Variants in TTC39B observed in about 807,000 individuals in gnomAD.
TTC39B encodes tetratricopeptide repeat protein 39B.
TTC39B carries 92 observed loss-of-function variants against 96.6 expected under a neutral mutation model. The observed-to-expected ratio is 0.95, with a 90% confidence interval of 0.80 to 1.13. The LOEUF is 1.13. Among genes scored for constraint, TTC39B ranks in the 50% most tolerant of loss-of-function variants. The pLI, the probability that TTC39B is intolerant of heterozygous loss-of-function variation, is 0.00. For missense variants in TTC39B, 955 were observed against 809.3 expected, an observed-to-expected ratio of 1.18 and a Z score of -2.18; for synonymous variants, 367 against 299.4, an observed-to-expected ratio of 1.23 and a Z score of -2.33.
chr9:15,173,183 C>T (rs1817752378), intron 19 of TTC39B, among the ~76,000 whole-genome samples: 1 of 152,050 alleles, frequency 6.6e-6, no homozygotes, highest in South Asian at 2.1e-4. Context: ...GGAACAGCAG[C>T]ATTTATAATC....
chr9:15,179,344 C>A (rs936299882), intron 17 of TTC39B, among the ~76,000 whole-genome samples: 2 of 152,126 alleles, frequency 1.3e-5, no homozygotes, highest in African/African-American at 4.8e-5. Flanking sequence ...CAGCACAAAC[C>A]TCAGAAATCA....
intron 1 of TTC39B, among the ~76,000 whole-genome samples, chr9:15,290,038 A>G (rs1824126481): frequency 6.6e-6 from 1 of 152,150 alleles, no homozygotes; most frequent in South Asian, 2.1e-4. Flanking sequence ...CTTTATCCTA[A>G]TCATATATAA....
intron 1 of TTC39B, among the ~76,000 whole-genome samples, chr9:15,294,966 G>A (rs1408755631): frequency 1.3e-5 from 2 of 152,214 alleles, no homozygotes; most frequent in East Asian, 3.8e-4. Context: ...TATACATGGA[G>A]GAGCAGGGAT....
intron 2 of TTC39B, among the ~76,000 whole-genome samples, chr9:15,237,263 C>G (rs1442383131): frequency 6.6e-6 from 1 of 152,086 alleles, no homozygotes; most frequent in African/African-American, 2.4e-5. Context: ...TGCAGTGAGC[C>G]AAGATCATGC....
chr9:15,201,719 C>G (rs186678146), intron 7 of TTC39B, among the ~76,000 whole-genome samples: 16 of 152,280 alleles, frequency 1.1e-4, no homozygotes, highest in Admixed American at 1.0e-3. Context: ...CTCAAGTATG[C>G]AAACCCGTCA....
chr9:15,185,751 T>G (rs1818489523), intron 15 of TTC39B, among the ~76,000 whole-genome samples: 1 of 152,242 alleles, frequency 6.6e-6, no homozygotes, highest in Admixed American at 6.5e-5. Context: ...AACTGGCGAT[T>G]TCTACGAGTA....
At chr9:15,208,158 G>A (rs1819984629) in intron 6 of TTC39B, among the ~76,000 whole-genome samples, 1 of 151,374 alleles carries the variant, frequency 6.6e-6, no homozygotes, top group Non-Finnish European at 1.5e-5. Flanking sequence ...CTGAGAAGCT[G>A]GGACTATAGG....
intron 1 of TTC39B, among the ~76,000 whole-genome samples, chr9:15,268,816 A>G (rs1461463828): frequency 1.3e-5 from 2 of 152,174 alleles, no homozygotes; most frequent in African/African-American, 2.4e-5. Context: ...TCACATGACA[A>G]CAATATCATT....
At chr9:15,207,494 A>C (rs1034000594) in intron 6 of TTC39B, among the ~76,000 whole-genome samples, 1 of 152,146 alleles carries the variant, frequency 6.6e-6, no homozygotes, top group Non-Finnish European at 1.5e-5. Context: ...CTATAGGAGA[A>C]AGTGTGGGTT....
At chr9:15,201,279 A>G (rs1289692572) in intron 7 of TTC39B, among the ~76,000 whole-genome samples, 2 of 152,110 alleles carry the variant, frequency 1.3e-5, no homozygotes, top group African/African-American at 2.4e-5. Flanking sequence ...AAAAACAAAC[A>G]TATCTCATTT....
At chr9:15,269,811 T>C (rs1032210484) in intron 1 of TTC39B, among the ~76,000 whole-genome samples, 6 of 145,924 alleles carry the variant, frequency 4.1e-5, no homozygotes, top group African/African-American at 1.5e-4. Flanking sequence ...GCCGAGATCA[T>C]GCCATTGCAC....
At chr9:15,286,879 G>A (rs1008575971) in intron 1 of TTC39B, among the ~76,000 whole-genome samples, 3 of 151,812 alleles carry the variant, frequency 2.0e-5, no homozygotes, top group African/African-American at 4.8e-5. Context: ...TAATTATTTT[G>A]TTGCTCAAAT....
intron 1 of TTC39B, among the ~76,000 whole-genome samples, chr9:15,283,079 A>G (rs1823828180): frequency 6.6e-6 from 1 of 152,192 alleles, no homozygotes; most frequent in African/African-American, 2.4e-5. Context: ...AGGCATATCT[A>G]TAAGCTCTAT....
In TTC39B at chr9:15,188,185, T is replaced by A. The variant is rs1818645984; in HGVS notation, c.1234-53A>T. On this transcript the variant is annotated intron_variant, in intron 13 of 19. Transcript: ENST00000512701. ...GTCCAGATATTAGACAAGGAGATAA[T>A]AACCTAATGGAAAAATACATAAAAC... is the stretch of plus-strand genomic sequence containing the variant. 8.6e-6 allele frequency: 13 copies of A among 1,505,908 alleles called. No homozygotes were observed. In the South Asian group the frequency reaches 1.8e-4, roughly 21 times the overall value. The allele number at this position is 1,505,908 out of a possible 1,614,324, so 93.3% of individuals were successfully genotyped here. A position where few individuals can be genotyped will look rare whatever the true frequency, so the allele number is the denominator to read the frequency against.
intron 16 of TTC39B, among the ~76,000 whole-genome samples, chr9:15,182,682 T>C (rs1299290664): frequency 6.6e-6 from 1 of 152,212 alleles, no homozygotes; most frequent in African/African-American, 2.4e-5. Context: ...AGAATACAGA[T>C]ACAGAAATAA....
At chr9:15,229,302 A>T (rs1821298154) in intron 2 of TTC39B, among the ~76,000 whole-genome samples, 1 of 152,232 alleles carries the variant, frequency 6.6e-6, no homozygotes, top group African/African-American at 2.4e-5. Flanking sequence ...CAAAAGGAAG[A>T]CTGCATGTCC....
intron 2 of TTC39B, among the ~76,000 whole-genome samples, chr9:15,239,563 C>T (rs1027743875): frequency 6.6e-5 from 10 of 152,298 alleles, no homozygotes; most frequent in African/African-American, 2.4e-4. Context: ...GGAATAGATA[C>T]AGAATGGAAT....
chr9:15,263,659 G>T (rs187273989), intron 2 of TTC39B, among the ~76,000 whole-genome samples: 20 of 152,266 alleles, frequency 1.3e-4, no homozygotes, highest in African/African-American at 4.8e-4. Context: ...AAGACCAAAA[G>T]GCAAAGTTTA....
chr9:15,213,929 T>G (rs1180387589), intron 4 of TTC39B, among the ~76,000 whole-genome samples: 2 of 152,166 alleles, frequency 1.3e-5, no homozygotes, highest in Non-Finnish European at 2.9e-5. Context: ...GATTAAAATA[T>G]GCAAAACAAT....
Sources: allele counts gnomAD v4.1 joint callset (sites outside exome capture counted in the v4.1 genomes callset), GRCh38; gene constraint gnomAD v4.1.1; transcripts MANE v1.5; gene names NCBI Gene and HGNC (gene_info 2026-07-23, HGNC 2026-07-21).